TMEM107: variants seen among roughly 807,000 people sequenced by gnomAD.
The protein encoded by TMEM107 is transmembrane protein 107.
In TMEM107, 18 loss-of-function variants were observed where a neutral mutation model predicts 16.8. The ratio of observed to expected loss-of-function variants is 1.07; its 90% CI spans 0.74 to 1.59. The LOEUF (loss-of-function observed/expected upper bound fraction) is 1.59, where lower values mean the gene tolerates loss of function less well. Ranked by LOEUF, TMEM107 falls within the 40% of genes most tolerant of loss-of-function variation. TMEM107 has a pLI of 0.00. For synonymous variants in TMEM107, 68 were observed against 71.6 expected (o/e 0.95, Z 0.25); for missense variants, 152 against 175.4 (o/e 0.87, Z 0.75).
At position 8,173,371 on chromosome 17, in the gene TMEM107, G is replaced by C. The variant is rs559667939; in HGVS notation, c.*832C>G. ...GACTGCAAAATAGACAAACAGCAAGGTTATCCCAGTCAGAACTTCATAGCT... is the reference window on the plus strand; with the variant it reads ...GACTGCAAAATAGACAAACAGCAAGCTTATCCCAGTCAGAACTTCATAGCT... On this transcript the variant is annotated 3_prime_UTR_variant, in exon 5 of 5. Transcript: ENST00000437139. The C allele has an allele frequency of 8.6e-5, 57 of 665,572 alleles. No individual in the cohort carries two copies. Among genetic ancestry groups the C allele is most frequent in the South Asian group, 8.1e-4 (48 of 59,570 alleles). The allele number at this position is 665,572 out of a possible 1,614,324, so 41.2% of individuals were successfully genotyped here. A position where few individuals can be genotyped will look rare whatever the true frequency, so the allele number is the denominator to read the frequency against.
rs1465446084 is a variant in TMEM107, at chr17:8,174,504, T to C, written c.353+16A>G. 1.3e-5 allele frequency: 21 copies of C among 1,612,386 alleles called. No individual in the cohort carries two copies. The highest frequency in any genetic ancestry group is 1.7e-5 in the Non-Finnish European group (20 of 1,178,596). ...AACCTTCCTCCCTCATCCCCAAATA[T>C]TGGATGCTACCACACCTGCAGAAGA... is the stretch of plus-strand genomic sequence containing the variant. On this transcript the variant is annotated intron_variant, in intron 4 of 4. Coordinates refer to ENST00000437139, the MANE Select transcript of TMEM107 (RefSeq NM_183065.4).
rs143415092 is a variant in TMEM107, at chr17:8,172,855, C to CAAAAAA, written c.*1342_*1347dup. Among the ~76,000 whole-genome samples, 6 of 44,818 alleles carry CAAAAAA rather than the reference C, an allele frequency of 1.3e-4. No individual in the cohort carries two copies. Among genetic ancestry groups the CAAAAAA allele is most frequent in the East Asian group, 4.1e-4 (1 of 2,452 alleles). The allele number at this position is 44,818 out of a possible 152,430, so 29.4% of individuals were successfully genotyped here. On this transcript the variant is annotated 3_prime_UTR_variant, in exon 5 of 5. Transcript: ENST00000437139. The stretch of plus-strand genomic sequence containing the variant: ...CCTGGGCAACAGAGTGAGACTGTCT[C>CAAAAAA]AAAAAAAAAAAAAAAAAAAACCAAA...
In TMEM107 at chr17:8,173,431, A is replaced by G. The variant is rs371689598; in HGVS notation, c.*772T>C. On this transcript the variant is annotated 3_prime_UTR_variant, in exon 5 of 5. Coordinates refer to ENST00000437139, the MANE Select transcript of TMEM107 (RefSeq NM_183065.4). The stretch of plus-strand genomic sequence containing the variant: ...GATATCTGCTAATCAGCATAACACA[A>G]ATGTAAGTGATCGTCAGAAAGAATC... The G allele has an allele frequency of 2.9e-5, 22 of 759,998 alleles. No individual in the cohort carries two copies. The highest frequency in any genetic ancestry group is 8.5e-5 in the African/African-American group (5 of 59,052). 47.1% of individuals were successfully genotyped at this position (759,998 alleles called of 1,614,324 possible). A position where few individuals can be genotyped will look rare whatever the true frequency, so the allele number is the denominator to read the frequency against.
At position 8,173,636 on chromosome 17, in the gene TMEM107, C is replaced by A. The variant is rs141196199; in HGVS notation, c.*567G>T. 3.7e-4 allele frequency: 274 copies of A among 742,290 alleles called. No individual in the cohort carries two copies. The highest frequency in any genetic ancestry group is 3.6e-3 in the African/African-American group (210 of 58,760). The allele number at this position is 742,290 out of a possible 1,614,324, so 46.0% of individuals were successfully genotyped here. On this transcript the variant is annotated 3_prime_UTR_variant, in exon 5 of 5. Coordinates refer to ENST00000437139, the MANE Select transcript of TMEM107 (RefSeq NM_183065.4). ...GCACTCAGTGAAAAAGATTCCGTTA[C>A]AAGCTAGGGTGAGTTCATAACGCGC...
chr17:8,173,697 G>C lies in TMEM107; in HGVS notation c.*506C>G. On this transcript the variant is annotated 3_prime_UTR_variant, in exon 5 of 5. Transcript: ENST00000437139. ...AATCCTATTATTTAGCGTCCTTCCA[G>C]TTGTTTTGCCATATTAGCTCGCACA... The C allele has an allele frequency of 4.9e-6, 3 of 613,904 alleles. No individual in the cohort carries two copies. The highest frequency in any genetic ancestry group is 2.7e-5 in the Admixed American group (1 of 37,024). 38.0% of individuals were successfully genotyped at this position (613,904 alleles called of 1,614,324 possible).
rs1488235115 is a variant in TMEM107, at chr17:8,174,242, T to C, written c.384A>G (p.Leu128=). The change falls in exon 5 of 5, where the codon TTA becomes TTG. Residue 128 remains leucine, a synonymous_variant. Coordinates refer to ENST00000437139, the MANE Select transcript of TMEM107 (RefSeq NM_183065.4). ...TTTTCAGCCCAAAGACGGTGACGAA[T>C]AAAGCCATTTCAGTGACAGCTGGAA... ...SALPAVTEMA[L]FVTVFGLKKK... The C allele has an allele frequency of 6.2e-7, 1 of 1,614,024 alleles. No homozygotes were observed. The highest frequency in any genetic ancestry group is 8.5e-7 in the Non-Finnish European group (1 of 1,180,026).
chr17:8,173,512 T>A lies in TMEM107; in HGVS notation c.*691A>T. The stretch of plus-strand genomic sequence containing the variant: ...TGATTACGCAGAGACGTTAATCACG[T>A]TTCATGCATCTCCAATCATCATGTT... On this transcript the variant is annotated 3_prime_UTR_variant, in exon 5 of 5. Transcript: ENST00000437139. 1 of 765,312 alleles carries A rather than the reference T, an allele frequency of 1.3e-6. No individual in the cohort carries two copies. The highest frequency in any genetic ancestry group is 2.4e-6 in the Non-Finnish European group (1 of 418,008). The allele number at this position is 765,312 out of a possible 1,614,324, so 47.4% of individuals were successfully genotyped here.
At position 8,174,149 on chromosome 17, in the gene TMEM107, G is replaced by A. The variant is rs1054842145; in HGVS notation, c.*54C>T. On this transcript the variant is annotated 3_prime_UTR_variant, in exon 5 of 5. Coordinates refer to ENST00000437139, the MANE Select transcript of TMEM107 (RefSeq NM_183065.4). ...TATGCCTTCCTTCTTCCAGGAATAC[G>A]AAGCGGCCCTTGCCCCTGTAGGCTT... is the stretch of plus-strand genomic sequence containing the variant. The A allele has an allele frequency of 2.0e-6, 3 of 1,522,122 alleles. No homozygotes were observed. The highest frequency in any genetic ancestry group is 1.7e-5 in the Admixed American group (1 of 59,720). 94.3% of individuals were successfully genotyped at this position (1,522,122 alleles called of 1,614,324 possible).
At chr17:8,175,351 G>C in intron 3 of TMEM107, 1 of 344,500 alleles carries the variant, frequency 2.9e-6, no homozygotes, top group South Asian at 2.9e-5. Flanking sequence ...ACATGCGTGA[G>C]CCATCGCGCC....
Position 8,173,364 on chromosome 17 carries a change from C to CAGCAA in TMEM107, c.*834_*838dup, listed in dbSNP as rs2151868952. On this transcript the variant is annotated 3_prime_UTR_variant, in exon 5 of 5. Transcript: ENST00000437139. ...ATAGCAAGACTGCAAAATAGACAAA[C>CAGCAA]AGCAAGGTTATCCCAGTCAGAACTT... 3 of 635,278 alleles carry CAGCAA rather than the reference C, an allele frequency of 4.7e-6. No homozygotes were observed. In the East Asian group the frequency reaches 8.1e-5, roughly 17 times the overall value. 39.4% of individuals were successfully genotyped at this position (635,278 alleles called of 1,614,324 possible).
chr17:8,172,802 G>A lies in TMEM107; in HGVS notation c.*1401C>T, dbSNP rs1402081170. 7.6e-6 allele frequency among the ~76,000 whole-genome samples: 1 copy of A among 132,276 alleles called. No homozygotes were observed. Among genetic ancestry groups the A allele is most frequent in the African/African-American group, 2.9e-5 (1 of 34,030 alleles). 86.8% of individuals were successfully genotyped at this position (132,276 alleles called of 152,430 possible). A position where few individuals can be genotyped will look rare whatever the true frequency, so the allele number is the denominator to read the frequency against. ...GGAGTTTGAGGCTGCAGTGAGCCAT[G>A]ATCCCACCACTGCACACTGCACTCT... is the stretch of plus-strand genomic sequence containing the variant. On this transcript the variant is annotated 3_prime_UTR_variant, in exon 5 of 5. Coordinates refer to ENST00000437139, the MANE Select transcript of TMEM107 (RefSeq NM_183065.4).
At chr17:8,176,113 G>C (rs1036956953) in intron 1 of TMEM107, 87 bp from the exon 2 acceptor site, 1 of 1,604,256 alleles carries the variant, frequency 6.2e-7, no homozygotes, top group African/African-American at 1.3e-5. Flanking sequence ...AAACCCAAGA[G>C]GGTAAGACAC....
At chr17:8,175,682 T>C (rs778500630) in intron 3 of TMEM107, 75 bp downstream of exon 3, 1 of 1,157,846 alleles carries the variant, frequency 8.6e-7, no homozygotes, top group Non-Finnish European at 1.3e-6. Context: ...CAGCAGACAC[T>C]ATTGTGTCAG....
At position 8,176,213 on chromosome 17, in the gene TMEM107, A is replaced by G. The variant is rs759772085; in HGVS notation, c.74T>C (p.Leu25Ser). Residue 25 changes from leucine to serine, a missense_variant, in exon 1 of 5, where the codon TTA (leucine) becomes TCA (serine). Physicochemically the swap from Leu to Ser is moderately radical, Grantham distance 145. Transcript: ENST00000437139. ...CGTGGGTCTTACCCGGGACCAGAAT[A>G]AGGTGATGACGACCACCAGATGCGC... is the stretch of plus-strand genomic sequence containing the variant. ...LLAHLVVVITLFWSRDSNIQA... is the reference protein window; with the variant it reads ...LLAHLVVVITSFWSRDSNIQA... 1.9e-6 allele frequency: 3 copies of G among 1,614,070 alleles called. No homozygotes were observed. Among genetic ancestry groups the G allele is most frequent in the East Asian group, 4.5e-5 (2 of 44,882 alleles).
chr17:8,176,092 G>A (rs1272876908), intron 1 of TMEM107, 66 bp from the exon 2 acceptor site: 1 of 1,610,186 alleles, frequency 6.2e-7, no homozygotes, highest in Non-Finnish European at 8.5e-7. Flanking sequence ...TGGGGGCGGC[G>A]GGAAACAAGA....
intron 4 of TMEM107, 63 bp downstream of exon 4, chr17:8,174,457 A>G: frequency 6.5e-7 from 1 of 1,530,954 alleles, no homozygotes; most frequent in Non-Finnish European, 9.1e-7. Context: ...TGGGTAGGGG[A>G]AAAACCTTCA....
At position 8,174,167 on chromosome 17, in the gene TMEM107, G is replaced by A. The variant is rs768601251; in HGVS notation, c.*36C>T. On this transcript the variant is annotated 3_prime_UTR_variant, in exon 5 of 5. Transcript: ENST00000437139. ...GGAATACGAAGCGGCCCTTGCCCCT[G>A]TAGGCTTCGTCCTTAGGTTCCCGTC... 2.9e-5 allele frequency: 47 copies of A among 1,599,948 alleles called. No individual in the cohort carries two copies. The highest frequency in any genetic ancestry group is 3.9e-5 in the Non-Finnish European group (46 of 1,167,246).
chr17:8,175,417 A>G (rs1201559271), intron 3 of TMEM107: 2 of 536,850 alleles, frequency 3.7e-6, no homozygotes, highest in Non-Finnish European at 6.7e-6. Flanking sequence ...ATCACACTGA[A>G]TTACAGATTT....
rs1357679181 is a variant in TMEM107, at chr17:8,172,877, C to CAAAAAAAAAAAAAA, written c.*1325_*1326insTTTTTTTTTTTTTT. Among the ~76,000 whole-genome samples the CAAAAAAAAAAAAAA allele has an allele frequency of 1.9e-5, 2 of 104,980 alleles. 1 individual carries two copies. Among genetic ancestry groups the CAAAAAAAAAAAAAA allele is most frequent in the Non-Finnish European group, 3.7e-5 (2 of 54,304 alleles). 68.9% of individuals were successfully genotyped at this position (104,980 alleles called of 152,430 possible). A position where few individuals can be genotyped will look rare whatever the true frequency, so the allele number is the denominator to read the frequency against. On this transcript the variant is annotated 3_prime_UTR_variant, in exon 5 of 5. Coordinates refer to ENST00000437139, the MANE Select transcript of TMEM107 (RefSeq NM_183065.4). ...TCTCAAAAAAAAAAAAAAAAAAAAC[C>CAAAAAAAAAAAAAA]AAAAGAGGGGGGTGGTCAACATACC... is the stretch of plus-strand genomic sequence containing the variant.
Sources: allele counts gnomAD v4.1 joint callset (sites outside exome capture counted in the v4.1 genomes callset), GRCh38; gene constraint gnomAD v4.1.1; transcripts MANE v1.5; gene names NCBI Gene and HGNC (gene_info 2026-07-23, HGNC 2026-07-21).